The following ABTB3 variants were observed in gnomAD, a reference collection of about 807,000 sequenced individuals.
ABTB3 encodes ankyrin repeat and BTB domain containing 3.
At chr12:107,346,986 A>C in the ABTB3 span, among the ~76,000 whole-genome samples, 2 of 152,208 alleles carry the variant, frequency 1.3e-5, no homozygotes, top group South Asian at 4.1e-4. Context: ...TGTTATAACC[A>C]ACAGTATTCT....
At chr12:107,485,683 T>C in the ABTB3 span, among the ~76,000 whole-genome samples, 1 of 152,212 alleles carries the variant, frequency 6.6e-6, no homozygotes, top group African/African-American at 2.4e-5. Flanking sequence ...ATCATTGTTT[T>C]TTGATTTCTT....
the ABTB3 span, among the ~76,000 whole-genome samples, chr12:107,588,981 C>T: frequency 6.6e-6 from 1 of 152,204 alleles, no homozygotes; most frequent in African/African-American, 2.4e-5. Flanking sequence ...TGGAGCCTGA[C>T]TGCCTGGGTT....
chr12:107,340,760 A>T, the ABTB3 span, among the ~76,000 whole-genome samples: 4 of 152,232 alleles, frequency 2.6e-5, no homozygotes, highest in Non-Finnish European at 1.5e-5. Flanking sequence ...CCCTCCTGGG[A>T]AATTCACCAG....
At chr12:107,487,714 C>T in the ABTB3 span, among the ~76,000 whole-genome samples, 1 of 152,132 alleles carries the variant, frequency 6.6e-6, no homozygotes, top group Non-Finnish European at 1.5e-5. Context: ...AAGACCCCAA[C>T]TATATTTTTG....
the ABTB3 span, among the ~76,000 whole-genome samples, chr12:107,413,280 TA>T: frequency 4.8e-5 from 7 of 145,458 alleles, no homozygotes; most frequent in South Asian, 2.2e-4. Flanking sequence ...TCTCAAAAAA[TA>T]AAAAAAAAAG....
chr12:107,320,533 T>TC, the ABTB3 span: 328,872 of 455,702 alleles, frequency 0.72, 120,176 homozygotes, highest in African/African-American at 0.88. Flanking sequence ...TGCTCCCACT[T>TC]CCCCACTCCC....
At chr12:107,569,346 G>A in the ABTB3 span, among the ~76,000 whole-genome samples, 1 of 152,154 alleles carries the variant, frequency 6.6e-6, no homozygotes, top group African/African-American at 2.4e-5. Flanking sequence ...TAAAGACTTT[G>A]AGATGTGTTT....
chr12:107,581,293 G>C, the ABTB3 span: 7 of 1,419,850 alleles, frequency 4.9e-6, no homozygotes, highest in Non-Finnish European at 6.4e-6. Flanking sequence ...ACTGCGAGCC[G>C]CGCCAGCTCA....
the ABTB3 span, among the ~76,000 whole-genome samples, chr12:107,447,942 G>A: frequency 3.3e-5 from 5 of 152,326 alleles, no homozygotes; most frequent in African/African-American, 1.2e-4. Context: ...GCGGCTCAGG[G>A]TGTTTTACTC....
At chr12:107,561,741 T>C in the ABTB3 span, among the ~76,000 whole-genome samples, 21 of 152,318 alleles carry the variant, frequency 1.4e-4, no homozygotes, top group Non-Finnish European at 2.6e-4. Context: ...TCCCCGTTCA[T>C]GTATTTATTA....
the ABTB3 span, among the ~76,000 whole-genome samples, chr12:107,547,239 A>G: frequency 2.3e-4 from 35 of 152,070 alleles, no homozygotes; most frequent in African/African-American, 8.4e-4. Flanking sequence ...AGGGGGAGGA[A>G]GAAGAGGAAG....
chr12:107,610,835 C>A, the ABTB3 span, among the ~76,000 whole-genome samples: 1 of 152,150 alleles, frequency 6.6e-6, no homozygotes, highest in Non-Finnish European at 1.5e-5. Flanking sequence ...AGCTATCCCC[C>A]CTAACTCCTG....
At chr12:107,620,106 C>T in the ABTB3 span, 50 of 1,614,050 alleles carry the variant, frequency 3.1e-5, no homozygotes, top group South Asian at 1.1e-4. Flanking sequence ...GAGGAATACA[C>T]GGAGGAGCTC....
At chr12:107,427,673 C>T in the ABTB3 span, among the ~76,000 whole-genome samples, 5 of 152,226 alleles carry the variant, frequency 3.3e-5, no homozygotes, top group Middle Eastern at 3.4e-3. Context: ...TAAGGTGACA[C>T]GAGTTCCGGA....
chr12:107,331,971 T>C, the ABTB3 span, among the ~76,000 whole-genome samples: 2 of 151,952 alleles, frequency 1.3e-5, no homozygotes, highest in Admixed American at 6.6e-5. Flanking sequence ...TCTCCCAGCA[T>C]GAGAGCTATG....
the ABTB3 span, among the ~76,000 whole-genome samples, chr12:107,481,995 C>T: frequency 4.0e-5 from 6 of 151,308 alleles, no homozygotes; most frequent in South Asian, 1.3e-3. Flanking sequence ...ATATGTCCAT[C>T]CCTGATCCAG....
chr12:107,550,210 G>A, the ABTB3 span, among the ~76,000 whole-genome samples: 1 of 152,124 alleles, frequency 6.6e-6, no homozygotes, highest in Non-Finnish European at 1.5e-5. Flanking sequence ...CCCCAAGACT[G>A]CTCTAGCAGA....
At chr12:107,368,496 T>C in the ABTB3 span, among the ~76,000 whole-genome samples, 1 of 152,356 alleles carries the variant, frequency 6.6e-6, no homozygotes, top group East Asian at 1.9e-4. Context: ...TCTTTAATGA[T>C]GGGCAACTAG....
At chr12:107,575,070 G>T in the ABTB3 span, among the ~76,000 whole-genome samples, 1 of 152,176 alleles carries the variant, frequency 6.6e-6, no homozygotes, top group African/African-American at 2.4e-5. Context: ...CAATTTAGCT[G>T]CTTTTCCTTC....
Sources: gnomAD v4.1 joint callset for allele counts (sites outside exome capture counted in the v4.1 genomes callset) on GRCh38, gnomAD v4.1.1 for gene constraint, MANE v1.5 for transcripts, NCBI Gene and HGNC (gene_info 2026-07-23, HGNC 2026-07-21) for gene names.